The following RAD51B variants were observed in gnomAD, a reference collection of about 807,000 sequenced individuals.
The protein encoded by RAD51B is RAD51 paralog B.
In RAD51B, 38 loss-of-function variants were observed where a neutral mutation model predicts 42.2. The observed-to-expected ratio is 0.90, with a 90% CI of 0.70 to 1.18. RAD51B has a LOEUF of 1.18. Ranked by LOEUF, RAD51B falls within the 50% of genes most tolerant of loss-of-function variation. The pLI is 0.00. For missense variants in RAD51B, 373 were observed against 400.7 expected, an observed-to-expected ratio of 0.93 and a Z score of 0.59; for synonymous variants, 154 against 145.2, an observed-to-expected ratio of 1.06 and a Z score of -0.43.
At chr14:68,357,681 C>G (rs2139898783) in intron 8 of RAD51B, among the ~76,000 whole-genome samples, 1 of 152,266 alleles carries the variant, frequency 6.6e-6, no homozygotes, top group South Asian at 2.1e-4. Flanking sequence ...ACATCTTCAT[C>G]AGAGCTCTTC....
chr14:68,244,844 A>G (rs546618998), intron 7 of RAD51B, among the ~76,000 whole-genome samples: 4 of 152,312 alleles, frequency 2.6e-5, no homozygotes, highest in African/African-American at 9.6e-5. Flanking sequence ...AGTCTTGTAC[A>G]TGGATTTCCT....
chr14:68,280,054 T>C (rs2081292875), intron 7 of RAD51B, among the ~76,000 whole-genome samples: 1 of 152,172 alleles, frequency 6.6e-6, no homozygotes, highest in South Asian at 2.1e-4. Context: ...TCAGCAGAAG[T>C]GAAAATATTA....
At chr14:68,433,212 G>A (rs1225639993) in intron 9 of RAD51B, among the ~76,000 whole-genome samples, 1 of 152,112 alleles carries the variant, frequency 6.6e-6, no homozygotes, top group African/African-American at 2.4e-5. Flanking sequence ...TGGTGAATCT[G>A]ACAATTATGT....
At position 68,133,870 on chromosome 14, in the gene RAD51B, C is replaced by T. The variant is rs200420281; in HGVS notation, c.757-158014C>T. On this transcript the variant is annotated intron_variant, in intron 7 of 10. Coordinates refer to ENST00000471583, the MANE Select transcript of RAD51B (RefSeq NM_133510.4). Reference sequence around the variant, plus strand: ...TAGCAAGGTACAAAGAAATGTACAGCGAGGTCATATATATCCTTCACCCAG... The same window carrying T: ...TAGCAAGGTACAAAGAAATGTACAGTGAGGTCATATATATCCTTCACCCAG... Among the ~76,000 whole-genome samples the T allele has an allele frequency of 4.6e-5, 7 of 152,094 alleles. No homozygotes were observed. The East Asian group carries it at 1.3e-3, about 29-fold the overall frequency.
intron 7 of RAD51B, among the ~76,000 whole-genome samples, chr14:67,901,400 A>G (rs913394072): frequency 2.0e-5 from 3 of 151,780 alleles, no homozygotes; most frequent in Non-Finnish European, 4.4e-5. Flanking sequence ...TCTTAATCAT[A>G]TTTCTTCTCA....
chr14:68,618,192 T>G (rs1314387630), intron 10 of RAD51B, among the ~76,000 whole-genome samples: 2 of 152,186 alleles, frequency 1.3e-5, no homozygotes, highest in Non-Finnish European at 2.9e-5. Context: ...TATCTTACAT[T>G]TGCTCTCCAG....
chr14:68,332,839 A>T (rs2082377262), intron 8 of RAD51B, among the ~76,000 whole-genome samples: 1 of 152,202 alleles, frequency 6.6e-6, no homozygotes, highest in African/African-American at 2.4e-5. Flanking sequence ...AACATCTTTA[A>T]ATCATCTCAT....
At chr14:68,253,643 G>A (rs1185431786) in intron 7 of RAD51B, among the ~76,000 whole-genome samples, 1 of 152,062 alleles carries the variant, frequency 6.6e-6, no homozygotes, top group African/African-American at 2.4e-5. Flanking sequence ...ACATAAAATG[G>A]TAGCTAATAA....
intron 7 of RAD51B, among the ~76,000 whole-genome samples, chr14:68,264,902 C>T (rs1458867768): frequency 1.3e-5 from 2 of 152,074 alleles, no homozygotes; most frequent in Non-Finnish European, 1.5e-5. Context: ...GAGGCTGCAT[C>T]GGGTAGCAGA....
chr14:68,466,133 A>G (rs771116264), intron 9 of RAD51B, among the ~76,000 whole-genome samples: 13 of 152,280 alleles, frequency 8.5e-5, no homozygotes, highest in Admixed American at 3.9e-4. Flanking sequence ...GAATTAGTGT[A>G]TCTAAATAAC....
At chr14:67,849,267 A>C (rs1318620759) in intron 4 of RAD51B, among the ~76,000 whole-genome samples, 1 of 151,968 alleles carries the variant, frequency 6.6e-6, no homozygotes, top group African/African-American at 2.4e-5. Context: ...AAAATTCTTT[A>C]TTCTTTCTTT....
chr14:68,502,462 A>G (rs1052389948), intron 10 of RAD51B, among the ~76,000 whole-genome samples: 3 of 152,210 alleles, frequency 2.0e-5, no homozygotes, highest in Non-Finnish European at 4.4e-5. Flanking sequence ...GGGAAAACCC[A>G]ACACAGATGC....
At chr14:68,393,154 G>C (rs565378808) in intron 8 of RAD51B, among the ~76,000 whole-genome samples, 1 of 152,280 alleles carries the variant, frequency 6.6e-6, no homozygotes, top group East Asian at 1.9e-4. Context: ...GGTGAGCTCC[G>C]TGGAAAACAT....
intron 8 of RAD51B, among the ~76,000 whole-genome samples, chr14:68,361,566 CATT>C (rs1444204014): frequency 1.3e-5 from 2 of 152,168 alleles, no homozygotes; most frequent in Non-Finnish European, 2.9e-5. Flanking sequence ...CATATCCTCT[CATT>C]ATGTTTTAGC....
At chr14:68,483,617 T>C (rs954626040) in intron 10 of RAD51B, among the ~76,000 whole-genome samples, 4 of 152,252 alleles carry the variant, frequency 2.6e-5, no homozygotes, top group Non-Finnish European at 5.9e-5. Flanking sequence ...ATTTCCATTC[T>C]GCCGCTTGTT....
At chr14:68,141,378 G>A (rs558541532) in intron 7 of RAD51B, among the ~76,000 whole-genome samples, 3 of 152,154 alleles carry the variant, frequency 2.0e-5, no homozygotes, top group Middle Eastern at 3.4e-3. Context: ...TTCTTAAAGG[G>A]AACCCAAGAC....
intron 7 of RAD51B, among the ~76,000 whole-genome samples, chr14:68,276,403 T>C (rs186401458): frequency 2.0e-5 from 3 of 152,262 alleles, no homozygotes; most frequent in African/African-American, 7.2e-5. Context: ...CTCATTTGCG[T>C]ACTCATTTTA....
chr14:67,962,714 C>T (rs554627615), intron 7 of RAD51B, among the ~76,000 whole-genome samples: 17 of 152,166 alleles, frequency 1.1e-4, no homozygotes, highest in African/African-American at 3.9e-4. Context: ...TGAAATTTAG[C>T]CAACCAAGAG....
chr14:68,250,603 T>TA, intron 7 of RAD51B, among the ~76,000 whole-genome samples: 1 of 152,298 alleles, frequency 6.6e-6, no homozygotes, highest in East Asian at 1.9e-4. Context: ...AAAAGAAGCA[T>TA]ATCCAAAATA....
Sources: allele counts gnomAD v4.1 joint callset (sites outside exome capture counted in the v4.1 genomes callset), GRCh38; gene constraint gnomAD v4.1.1; transcripts MANE v1.5; gene names NCBI Gene and HGNC (gene_info 2026-07-23, HGNC 2026-07-21).